GABRG3: variants seen among roughly 807,000 people sequenced by gnomAD.
The protein encoded by GABRG3 is gamma-aminobutyric acid receptor subunit gamma-3.
Under a neutral mutation model 48.8 loss-of-function variants are expected in GABRG3, and 25 were observed. That is an observed-to-expected ratio of 0.51 (90% CI 0.37 to 0.72). GABRG3 has a LOEUF of 0.72. Among genes scored for constraint, GABRG3 ranks in the 30% least tolerant of loss-of-function variants. The pLI, the probability that GABRG3 is intolerant of heterozygous loss-of-function variation, is 0.00. For synonymous variants in GABRG3, 227 were observed against 217.6 expected, an observed-to-expected ratio of 1.04 and a Z score of -0.38; for missense variants, 394 against 577.9, an observed-to-expected ratio of 0.68 and a Z score of 3.26.
chr15:27,116,703 A>AT, intron 3 of GABRG3, among the ~76,000 whole-genome samples: 2 of 152,310 alleles, frequency 1.3e-5, no homozygotes, highest in Non-Finnish European at 1.5e-5. Context: ...TAAGGAGGTG[A>AT]TTGGGTCATG....
chr15:27,131,422 C>T lies in GABRG3; in HGVS notation c.270+104601C>T, dbSNP rs149340873. ...GCTCTATGGTCCTTTTAATGTGTTG[C>T]TCAATTCTGTTTGATAGCATTTCAT... On this transcript the variant is annotated intron_variant, in intron 3 of 9. Coordinates refer to ENST00000615808, the MANE Select transcript of GABRG3 (RefSeq NM_033223.5). Among the ~76,000 whole-genome samples the T allele has an allele frequency of 3.2e-3, 482 of 152,026 alleles. 1 individual carries two copies. Among genetic ancestry groups the T allele is most frequent in the African/African-American group, 0.011 (465 of 41,498 alleles).
chr15:27,487,311 T>C (rs910112552), intron 6 of GABRG3, among the ~76,000 whole-genome samples: 1 of 152,236 alleles, frequency 6.6e-6, no homozygotes, highest in African/African-American at 2.4e-5. Flanking sequence ...CTGAATAAAT[T>C]ATAACATTTA....
At chr15:27,097,511 T>C (rs556629914) in intron 3 of GABRG3, among the ~76,000 whole-genome samples, 1 of 152,240 alleles carries the variant, frequency 6.6e-6, no homozygotes, top group South Asian at 2.1e-4. Flanking sequence ...CTCTTTCTCT[T>C]TTTCTTTCTT....
intron 2 of GABRG3, among the ~76,000 whole-genome samples, chr15:27,004,405 G>A (rs1047304629): frequency 1.3e-5 from 2 of 151,542 alleles, no homozygotes; most frequent in Admixed American, 6.6e-5. Context: ...CCGGGAAGAG[G>A]CGCTCCTCAC....
At chr15:27,234,853 G>C (rs975534469) in intron 3 of GABRG3, among the ~76,000 whole-genome samples, 1 of 152,156 alleles carries the variant, frequency 6.6e-6, no homozygotes, top group African/African-American at 2.4e-5. Context: ...TCAAGGACCT[G>C]CTGCCCAGAT....
intron 2 of GABRG3, among the ~76,000 whole-genome samples, chr15:26,984,628 T>A (rs9920534): frequency 0.38 from 58,423 of 152,016 alleles, 12,329 homozygotes; most frequent in Middle Eastern, 0.56. Context: ...GGTGTCATTT[T>A]TCTTGGAACA....
chr15:27,191,208 G>T (rs964111034), intron 3 of GABRG3, among the ~76,000 whole-genome samples: 1 of 152,150 alleles, frequency 6.6e-6, no homozygotes, highest in African/African-American at 2.4e-5. Context: ...CTGTTGATTT[G>T]GGGTGGAGAG....
At chr15:27,358,303 C>T (rs551594520) in intron 5 of GABRG3, among the ~76,000 whole-genome samples, 152 of 152,238 alleles carry the variant, frequency 1.0e-3, no homozygotes, top group Middle Eastern at 3.4e-3. Context: ...AAGCTTTGTC[C>T]TTCAGCACCC....
chr15:27,307,836 A>T (rs1415542685), intron 3 of GABRG3, among the ~76,000 whole-genome samples: 1 of 131,070 alleles, frequency 7.6e-6, no homozygotes, highest in Non-Finnish European at 1.6e-5. Context: ...ATAAACATAT[A>T]TAAAATAAAC....
chr15:27,397,827 C>T (rs1272999372), intron 5 of GABRG3, among the ~76,000 whole-genome samples: 16 of 135,660 alleles, frequency 1.2e-4, no homozygotes, highest in African/African-American at 4.1e-4. Flanking sequence ...TTTTTTGAGA[C>T]GGAGTCTCGC....
chr15:27,421,533 A>G (rs1210079558), intron 5 of GABRG3, among the ~76,000 whole-genome samples: 1 of 151,718 alleles, frequency 6.6e-6, no homozygotes, highest in Non-Finnish European at 1.5e-5. Context: ...TAAGATATCC[A>G]TTGGAGTGGG....
chr15:27,311,892 G>C (rs146746583), intron 3 of GABRG3, among the ~76,000 whole-genome samples: 1 of 152,008 alleles, frequency 6.6e-6, no homozygotes, highest in Non-Finnish European at 1.5e-5. Flanking sequence ...GGGAGAGGTC[G>C]CTGTTTTATC....
At chr15:27,007,365 A>G (rs1895606505) in intron 2 of GABRG3, among the ~76,000 whole-genome samples, 1 of 152,154 alleles carries the variant, frequency 6.6e-6, no homozygotes, top group African/African-American at 2.4e-5. Flanking sequence ...GGTGTGAACC[A>G]CTGTGCCTGG....
intron 3 of GABRG3, among the ~76,000 whole-genome samples, chr15:27,274,657 T>C (rs1891196009): frequency 6.6e-6 from 1 of 152,028 alleles, no homozygotes; most frequent in Admixed American, 6.6e-5. Flanking sequence ...ACAAACCATA[T>C]CCAAACCATA....
chr15:27,468,922 G>C (rs754147636), intron 5 of GABRG3, among the ~76,000 whole-genome samples: 8 of 152,208 alleles, frequency 5.3e-5, no homozygotes, highest in Non-Finnish European at 1.0e-4. Flanking sequence ...TAGTATTGCT[G>C]TTGCACCTCA....
At position 27,348,456 on chromosome 15, in the gene GABRG3, A is replaced by G. The variant is rs190375701; in HGVS notation, c.574+19568A>G. Among the ~76,000 whole-genome samples, 306 of 152,310 alleles carry G rather than the reference A, an allele frequency of 2.0e-3. 1 individual carries two copies. Among genetic ancestry groups the G allele is most frequent in the African/African-American group, 7.1e-3 (296 of 41,582 alleles). ...TTGATGAACTAATTTAGCCTTTAAA[A>G]CAACCCACTGTGATAGGATTATGAT... On this transcript the variant is annotated intron_variant, in intron 5 of 9. Transcript: ENST00000615808.
chr15:26,981,436 G>A lies in GABRG3; in HGVS notation c.202+4286G>A, dbSNP rs751997152. ...TACCATCCAGGATATGGTCTATCTTGGCAAATGCTCCACGGTCTTGAAAAG... is the reference window on the plus strand; with the variant it reads ...TACCATCCAGGATATGGTCTATCTTAGCAAATGCTCCACGGTCTTGAAAAG... On this transcript the variant is annotated intron_variant, in intron 2 of 9. Coordinates refer to ENST00000615808, the MANE Select transcript of GABRG3 (RefSeq NM_033223.5). Among the ~76,000 whole-genome samples the A allele has an allele frequency of 2.6e-4, 39 of 152,278 alleles. No individual in the cohort carries two copies. In the South Asian group the frequency reaches 4.1e-3, roughly 16 times the overall value.
At chr15:27,254,552 T>A (rs1441708618) in intron 3 of GABRG3, among the ~76,000 whole-genome samples, 1 of 152,070 alleles carries the variant, frequency 6.6e-6, no homozygotes, top group African/African-American at 2.4e-5. Context: ...AAGTGCAAGA[T>A]CAAGGTGCTG....
At chr15:27,172,586 A>G (rs896390561) in intron 3 of GABRG3, among the ~76,000 whole-genome samples, 1 of 152,182 alleles carries the variant, frequency 6.6e-6, no homozygotes, top group Non-Finnish European at 1.5e-5. Context: ...CACTCAGAAC[A>G]TCATTACCTG....
Sources: gnomAD v4.1 joint callset for allele counts (sites outside exome capture counted in the v4.1 genomes callset) on GRCh38, gnomAD v4.1.1 for gene constraint, MANE v1.5 for transcripts, NCBI Gene and HGNC (gene_info 2026-07-23, HGNC 2026-07-21) for gene names.